Variants in RAD51B observed in about 807,000 individuals in gnomAD.
The protein encoded by RAD51B is RAD51 paralog B.
A neutral mutation model predicts 42.2 loss-of-function variants in RAD51B; 38 were observed. That is an observed-to-expected ratio of 0.90 (90% CI 0.70 to 1.18). RAD51B has a LOEUF of 1.18. Ranked by LOEUF, RAD51B falls within the 50% of genes most tolerant of loss-of-function variation. The pLI, the probability that RAD51B is intolerant of heterozygous loss-of-function variation, is 0.00. For synonymous variants in RAD51B, 154 were observed against 145.2 expected (o/e 1.06, Z -0.43); for missense variants, 373 against 400.7 (o/e 0.93, Z 0.59).
chr14:68,072,128 T>TATATATATTTATATAAAATATAAAAAA (rs2076759948), intron 7 of RAD51B, among the ~76,000 whole-genome samples: 1 of 129,178 alleles, frequency 7.7e-6, no homozygotes, highest in Non-Finnish European at 1.6e-5. Context: ...ATAAAATATA[T>TATATATATTTATATAAAATATAAAAAA]ATATAATTAT....
At chr14:68,120,616 G>A (rs2077633121) in intron 7 of RAD51B, among the ~76,000 whole-genome samples, 1 of 152,150 alleles carries the variant, frequency 6.6e-6, no homozygotes, top group African/African-American at 2.4e-5. Flanking sequence ...GAGAAGGACA[G>A]GTCTTCTGCT....
intron 7 of RAD51B, among the ~76,000 whole-genome samples, chr14:68,028,856 TG>T (rs2075995995): frequency 6.6e-6 from 1 of 152,306 alleles, no homozygotes; most frequent in Non-Finnish European, 1.5e-5. Flanking sequence ...TGGGGAGCCC[TG>T]GGAGATGGGT....
Position 68,546,841 on chromosome 14 carries a change from G to A in RAD51B, c.1037-47644G>A, listed in dbSNP as rs17105832. Among the ~76,000 whole-genome samples, 551 of 152,166 alleles carry A rather than the reference G, an allele frequency of 3.6e-3. 7 individuals carry two copies. The highest frequency in any genetic ancestry group is 0.012 in the African/African-American group (516 of 41,506). On this transcript the variant is annotated intron_variant, in intron 10 of 10. Coordinates refer to the RAD51B transcript ENST00000487270. Reference sequence around the variant, plus strand: ...GGGAATGGGAGCTGTTATCTTGGGCGACCAACTCCACTCAGTTCTTACCAT... The same window carrying A: ...GGGAATGGGAGCTGTTATCTTGGGCAACCAACTCCACTCAGTTCTTACCAT...
intron 4 of RAD51B, among the ~76,000 whole-genome samples, chr14:67,847,748 A>G (rs1408627045): frequency 6.6e-6 from 1 of 152,160 alleles, no homozygotes; most frequent in Non-Finnish European, 1.5e-5. Flanking sequence ...AGAAGAATGT[A>G]TATTCTGTGG....
intron 7 of RAD51B, among the ~76,000 whole-genome samples, chr14:68,201,022 A>G (rs1163632228): frequency 6.6e-6 from 1 of 152,144 alleles, no homozygotes; most frequent in Non-Finnish European, 1.5e-5. Context: ...TAATACTAAG[A>G]TTTCCCTCCC....
intron 8 of RAD51B, among the ~76,000 whole-genome samples, chr14:68,390,309 T>C (rs893114620): frequency 6.6e-6 from 1 of 152,258 alleles, no homozygotes; most frequent in Non-Finnish European, 1.5e-5. Context: ...TATTCATTTA[T>C]TCCTAGATGT....
chr14:68,604,032 AT>A (rs1449055821), intron 10 of RAD51B, among the ~76,000 whole-genome samples: 2 of 152,194 alleles, frequency 1.3e-5, no homozygotes, highest in Non-Finnish European at 2.9e-5. Flanking sequence ...TGAACTTTGT[AT>A]TTCTTAGCCC....
At chr14:68,513,677 G>A (rs1885919528) in intron 10 of RAD51B, among the ~76,000 whole-genome samples, 1 of 152,196 alleles carries the variant, frequency 6.6e-6, no homozygotes, top group Non-Finnish European at 1.5e-5. Context: ...GAGAAAGGGG[G>A]AAACACATGG....
intron 7 of RAD51B, among the ~76,000 whole-genome samples, chr14:68,203,038 A>G (rs1310491661): frequency 6.6e-6 from 1 of 152,162 alleles, no homozygotes; most frequent in East Asian, 1.9e-4. Flanking sequence ...GAGGGTTGGA[A>G]TCAGTTTCTT....
At chr14:67,901,460 C>T (rs879361549) in intron 7 of RAD51B, among the ~76,000 whole-genome samples, 12 of 152,100 alleles carry the variant, frequency 7.9e-5, no homozygotes, top group Non-Finnish European at 1.2e-4. Context: ...TTTTCCACTC[C>T]GAAGACCCTC....
intron 10 of RAD51B, among the ~76,000 whole-genome samples, chr14:68,546,149 G>A (rs1373111438): frequency 6.6e-6 from 1 of 152,210 alleles, no homozygotes; most frequent in Admixed American, 6.5e-5. Flanking sequence ...AATCAGATCT[G>A]TGTTTAGACA....
chr14:68,611,650 G>A, downstream of RAD51B: 1 of 293,800 alleles, frequency 3.4e-6, no homozygotes, highest in Non-Finnish European at 6.5e-6. Flanking sequence ...CTGCATGAGT[G>A]TGCACACTGT....
intron 11 of RAD51B, among the ~76,000 whole-genome samples, chr14:68,652,182 C>T (rs1029990340): frequency 6.6e-6 from 1 of 152,228 alleles, no homozygotes; most frequent in Non-Finnish European, 1.5e-5. Context: ...TCCCCCCTTG[C>T]ACAAATTATT....
chr14:68,002,379 T>TG (rs2075501261), intron 7 of RAD51B, among the ~76,000 whole-genome samples: 1 of 152,242 alleles, frequency 6.6e-6, no homozygotes, highest in Admixed American at 6.5e-5. Flanking sequence ...TACTTTTTAA[T>TG]GTTTTTTTTT....
chr14:68,029,587 T>C (rs1431262670), intron 7 of RAD51B, among the ~76,000 whole-genome samples: 2 of 152,222 alleles, frequency 1.3e-5, no homozygotes, highest in Non-Finnish European at 1.5e-5. Flanking sequence ...TCTAGTTCTT[T>C]TGCTGTTTTT....
At chr14:68,494,990 A>G (rs1304568679) in intron 10 of RAD51B, among the ~76,000 whole-genome samples, 4 of 152,196 alleles carry the variant, frequency 2.6e-5, no homozygotes, top group Non-Finnish European at 5.9e-5. Flanking sequence ...CATCTGCCCT[A>G]CAAGGCATAG....
At chr14:68,122,788 T>A (rs1455340021) in intron 7 of RAD51B, among the ~76,000 whole-genome samples, 1 of 152,206 alleles carries the variant, frequency 6.6e-6, no homozygotes, top group Non-Finnish European at 1.5e-5. Flanking sequence ...AACTTAATTG[T>A]CATCAATAGG....
intron 7 of RAD51B, among the ~76,000 whole-genome samples, chr14:67,969,353 G>A (rs1432197790): frequency 6.6e-6 from 1 of 152,114 alleles, no homozygotes; most frequent in East Asian, 1.9e-4. Context: ...GACTTCACTA[G>A]CATTAACACT....
chr14:68,123,243 A>G (rs1359613063), intron 7 of RAD51B, among the ~76,000 whole-genome samples: 3 of 137,084 alleles, frequency 2.2e-5, no homozygotes, highest in Non-Finnish European at 4.5e-5. Flanking sequence ...ACTGGAGTGC[A>G]GTGGCATGAT....
Sources: allele counts gnomAD v4.1 joint callset (sites outside exome capture counted in the v4.1 genomes callset), GRCh38; gene constraint gnomAD v4.1.1; transcripts MANE v1.5; gene names NCBI Gene and HGNC (gene_info 2026-07-23, HGNC 2026-07-21).